TMEM187: variants seen among roughly 807,000 people sequenced by gnomAD.
The protein encoded by TMEM187 is transmembrane protein 187, also known as chromosome X open reading frame 12.
A neutral mutation model predicts 11.8 loss-of-function variants in TMEM187; 14 were observed. That is an observed-to-expected ratio of 1.18 (90% CI 0.78 to 1.85). The LOEUF (loss-of-function observed/expected upper bound fraction) is 1.85, where lower values mean the gene tolerates loss of function less well. TMEM187 is among the 40% of genes most tolerant of loss of function. The pLI is 0.00. For missense variants in TMEM187, 227 were observed against 243.9 expected (o/e 0.93, Z 0.46); for synonymous variants, 112 against 118.5 (o/e 0.95, Z 0.36).
At chrX:153,978,865 C>T (rs2065587937) in intron 1 of TMEM187, among the ~76,000 whole-genome samples, 1 of 110,694 alleles carries the variant, frequency 9.0e-6, no homozygotes, top group Non-Finnish European at 1.9e-5. Flanking sequence ...TGGCTCACTG[C>T]AACCTCTGCC....
chrX:153,981,750 G>C, intron 1 of TMEM187, 100 bp from the exon 2 acceptor site: 1 of 402,379 alleles, frequency 2.5e-6, no homozygotes, highest in Non-Finnish European at 4.4e-6. Context: ...TGCTTCTCCA[G>C]TGAAGATGGT....
Position 153,978,381 on chromosome X carries a change from G to A in TMEM187, c.-213-3469G>A, listed in dbSNP as rs1379114639. 3.9e-5 allele frequency among the ~76,000 whole-genome samples: 4 copies of A among 102,156 alleles called. No homozygotes were observed. In the East Asian group the frequency reaches 9.6e-4, roughly 25 times the overall value. The allele number at this position is 102,156 out of a possible 115,157, so 88.7% of individuals were successfully genotyped here. A position where few individuals can be genotyped will look rare whatever the true frequency, so the allele number is the denominator to read the frequency against. Reference sequence around the variant, plus strand: ...CCTCCCAGGTTTGAGCGATTCTCCTGCCTCAGCCTCCCAAGTAGCTGGAAC... The same window carrying A: ...CCTCCCAGGTTTGAGCGATTCTCCTACCTCAGCCTCCCAAGTAGCTGGAAC... On this transcript the variant is annotated intron_variant, in intron 1 of 1. Coordinates refer to ENST00000369982, the MANE Select transcript of TMEM187 (RefSeq NM_003492.3).
intron 1 of TMEM187, chrX:153,980,470 C>T (rs782507339): frequency 2.4e-4 from 27 of 112,383 alleles, no homozygotes; most frequent in African/African-American, 6.5e-4. Flanking sequence ...GGCCAGGAGG[C>T]GGCATGCCTG....
At chrX:153,981,054 T>C (rs942911607) in intron 1 of TMEM187, 4 of 109,630 alleles carry the variant, frequency 3.6e-5, no homozygotes, top group Non-Finnish European at 5.7e-5. Flanking sequence ...CCCTTCTCTC[T>C]CCCTGAGCCC....
At position 153,982,474 on chromosome X, in the gene TMEM187, C is replaced by T. The variant is rs2065608431; in HGVS notation, c.412C>T (p.Arg138Trp). Residue 138 changes from arginine (R) to tryptophan (W), a missense_variant, in exon 2 of 2, where the codon CGG (arginine) becomes TGG (tryptophan). Transcript: ENST00000369982. ...GTGCCTCTACCTAGACCGCGGCTGG[C>T]GGCCCTGGCTGTTCCTCTCTCTTGA... is the stretch of plus-strand genomic sequence containing the variant. ...AWCLYLDRGW[R>W]PWLFLSLECV... The T allele has an allele frequency of 2.5e-6, 3 of 1,202,831 alleles. No homozygotes were observed. Among genetic ancestry groups the T allele is most frequent in the East Asian group, 3.0e-5 (1 of 33,671 alleles).
At chrX:153,978,395 A>G (rs1445885537) in intron 1 of TMEM187, among the ~76,000 whole-genome samples, 2 of 101,977 alleles carry the variant, frequency 2.0e-5, no homozygotes, top group Non-Finnish European at 4.0e-5. Flanking sequence ...CAGCCTCCCA[A>G]GTAGCTGGAA....
At chrX:153,979,068 G>A (rs2065588646) in intron 1 of TMEM187, among the ~76,000 whole-genome samples, 1 of 112,247 alleles carries the variant, frequency 8.9e-6, no homozygotes, top group South Asian at 3.6e-4. Context: ...GATTATAGGC[G>A]TGAGCCACCG....
rs1472694992 is a variant in TMEM187, at chrX:153,981,908, T to C, written c.-155T>C. On this transcript the variant is annotated 5_prime_UTR_variant, in exon 2 of 2. Coordinates refer to ENST00000369982, the MANE Select transcript of TMEM187 (RefSeq NM_003492.3). ...CCAATCAGCAGGACTCCTGCCTTCC[T>C]TCGGGGCAAGGTCGCAGCATCTGCC... The C allele has an allele frequency of 1.7e-5, 17 of 1,018,068 alleles. No individual in the cohort carries two copies. The highest frequency in any genetic ancestry group is 2.7e-5 in the Admixed American group (1 of 37,710). The allele number at this position is 1,018,068 out of a possible 1,213,427, so 83.9% of individuals were successfully genotyped here.
At position 153,982,457 on chromosome X, in the gene TMEM187, A is replaced by G. The variant is rs1458410919; in HGVS notation, c.395A>G (p.Tyr132Cys). Reference sequence around the variant, plus strand: ...GCATGGCCCGTGGCCTGGTGCCTCTACCTAGACCGCGGCTGGCGGCCCTGG... The same window carrying G: ...GCATGGCCCGTGGCCTGGTGCCTCTGCCTAGACCGCGGCTGGCGGCCCTGG... ...IFAWPVAWCL[Y>C]LDRGWRPWLF... is the part of the protein sequence containing the mutation. Residue 132 changes from tyrosine (Y) to cysteine (C), a missense_variant, in exon 2 of 2, where the codon TAC becomes TGC. Physicochemically the swap from Tyr to Cys is radical, Grantham distance 194 (BLOSUM62 -2). Coordinates refer to ENST00000369982, the MANE Select transcript of TMEM187 (RefSeq NM_003492.3). The G allele has an allele frequency of 8.3e-7, 1 of 1,203,406 alleles. No homozygotes were observed. Among genetic ancestry groups the G allele is most frequent in the African/African-American group, 1.7e-5 (1 of 57,975 alleles).
intron 1 of TMEM187, among the ~76,000 whole-genome samples, chrX:153,975,629 CTTTTTTTTTTTTTTTT>C (rs58423366): frequency 0.1 from 1,680 of 16,722 alleles, 109 homozygotes; most frequent in African/African-American, 0.29. Flanking sequence ...CACACCCAGC[CTTTTTTTTTTTTTTTT>C]TTTTTTTTTT....
At position 153,982,094 on chromosome X, in the gene TMEM187, ACGTGGC is replaced by A. The variant is rs781986712; in HGVS notation, c.41_46del (p.Val14_Ala15del). On this transcript the variant is annotated inframe_deletion, in exon 2 of 2. Coordinates refer to ENST00000369982, the MANE Select transcript of TMEM187 (RefSeq NM_003492.3). ...CCAGAGTGGGGGCAGGCCTTCGTGC[ACGTGGC>A]CGTGGCCGGTGGCCTCTGTGCCGTG... is the stretch of plus-strand genomic sequence containing the variant. 4.9e-6 allele frequency: 6 copies of A among 1,212,557 alleles called. No individual in the cohort carries two copies.
chrX:153,979,931 G>A (rs1174936984), intron 1 of TMEM187, among the ~76,000 whole-genome samples: 1 of 107,996 alleles, frequency 9.3e-6, no homozygotes, highest in Non-Finnish European at 1.9e-5. Context: ...TAGAGACGGG[G>A]TTTCACCGTG....
intron 1 of TMEM187, among the ~76,000 whole-genome samples, chrX:153,974,798 A>G (rs1202606005): frequency 8.9e-6 from 1 of 112,283 alleles, no homozygotes; most frequent in Non-Finnish European, 1.9e-5. Context: ...ACCATGCTTC[A>G]GAGGGCAATG....
intron 1 of TMEM187, among the ~76,000 whole-genome samples, chrX:153,975,058 G>A (rs189808010): frequency 1.8e-5 from 2 of 112,059 alleles, no homozygotes; most frequent in African/African-American, 6.5e-5. Flanking sequence ...ACCCATTTGG[G>A]GCCTAAATTG....
At chrX:153,975,629 CTTTTTTTTTTT>C (rs58423366) in intron 1 of TMEM187, among the ~76,000 whole-genome samples, 13 of 16,653 alleles carry the variant, frequency 7.8e-4, no homozygotes, top group East Asian at 6.1e-3. Flanking sequence ...CACACCCAGC[CTTTTTTTTTTT>C]TTTTTTTTTT....
chrX:153,976,530 CAAAA>C (rs1216059204), intron 1 of TMEM187, among the ~76,000 whole-genome samples: 1 of 108,577 alleles, frequency 9.2e-6, no homozygotes, highest in Non-Finnish European at 1.9e-5. Context: ...GACCCTGTCT[CAAAA>C]AAAACCAAAA....
chrX:153,979,151 C>T, intron 1 of TMEM187, among the ~76,000 whole-genome samples: 1 of 110,868 alleles, frequency 9.0e-6, no homozygotes, highest in Non-Finnish European at 1.9e-5. Context: ...GTCTCAAACT[C>T]CTGACCTCAG....
chrX:153,973,757 A>G (rs2065566099), intron 1 of TMEM187, among the ~76,000 whole-genome samples: 1 of 112,703 alleles, frequency 8.9e-6, no homozygotes. Context: ...ATCAGTCCAG[A>G]AGCTAAATTA....
intron 1 of TMEM187, among the ~76,000 whole-genome samples, chrX:153,976,590 A>G (rs1860398257): frequency 9.0e-6 from 1 of 110,907 alleles, no homozygotes; most frequent in African/African-American, 3.3e-5. Flanking sequence ...GGCTGGGTGC[A>G]GTAACTCACG....
Sources: gnomAD v4.1 joint callset for allele counts (sites outside exome capture counted in the v4.1 genomes callset) on GRCh38, gnomAD v4.1.1 for gene constraint, MANE v1.5 for transcripts, NCBI Gene and HGNC (gene_info 2026-07-23, HGNC 2026-07-21) for gene names.